KAZN: variants seen among roughly 807,000 people sequenced by gnomAD.
KAZN encodes kazrin, periplakin interacting protein, also known as kazrin.
Under a neutral mutation model 87.4 loss-of-function variants are expected in KAZN, and 40 were observed. That is an observed-to-expected ratio of 0.46 (90% CI 0.36 to 0.60). The LOEUF (loss-of-function observed/expected upper bound fraction) is 0.60, where lower values mean the gene tolerates loss of function less well. KAZN is among the 20% of genes least tolerant of loss of function. The pLI is 0.00. For missense variants in KAZN, 898 were observed against 1,073.9 expected, an observed-to-expected ratio of 0.84 and a Z score of 2.29; for synonymous variants, 466 against 458.3, an observed-to-expected ratio of 1.02 and a Z score of -0.22.
At chr1:14,918,675 CAAAAAAAAAAAAAAAA>C (rs1158537283) in intron 1 of KAZN, among the ~76,000 whole-genome samples, 25 of 37,058 alleles carry the variant, frequency 6.7e-4, no homozygotes, top group Admixed American at 2.2e-3. Flanking sequence ...GACTCCATCT[CAAAAAAAAAAAAAAAA>C]AAAAAAAAAA....
intron 11 of KAZN, among the ~76,000 whole-genome samples, 159 bp from the exon 12 acceptor site, chr1:15,103,200 G>C (rs555377): frequency 0.51 from 77,350 of 152,046 alleles, 19,960 homozygotes; most frequent in East Asian, 0.77. Flanking sequence ...CTGGGAGGCG[G>C]AGGTTGCAGT....
intron 1 of KAZN, among the ~76,000 whole-genome samples, chr1:13,965,602 GA>G (rs1245693894): frequency 6.6e-6 from 1 of 152,150 alleles, no homozygotes; most frequent in Non-Finnish European, 1.5e-5. Context: ...GCAAGACTGG[GA>G]GCTTCCTGAA....
chr1:14,528,299 C>G (rs770958858), intron 2 of KAZN, among the ~76,000 whole-genome samples: 1 of 126,122 alleles, frequency 7.9e-6, no homozygotes, highest in African/African-American at 3.2e-5. Context: ...GATCATGCCA[C>G]TGTACCCCAG....
chr1:14,250,726 T>C (rs1303697896), intron 2 of KAZN, among the ~76,000 whole-genome samples: 1 of 152,096 alleles, frequency 6.6e-6, no homozygotes, highest in East Asian at 1.9e-4. Flanking sequence ...TCCTGCTTTT[T>C]AACAATTGAC....
chr1:14,564,009 A>G (rs1674405484), intron 2 of KAZN, among the ~76,000 whole-genome samples: 1 of 151,646 alleles, frequency 6.6e-6, no homozygotes, highest in Admixed American at 6.6e-5. Context: ...AGCTGGGATT[A>G]CAGGCACCCG....
chr1:15,094,811 G>T lies in KAZN; in HGVS notation c.1429-4G>T. ...CCCCATATGACACTCCCTCCCGGGG[G>T]CAGGTGCTGCTGAGCCTGAGTGACG... On this transcript the variant is annotated splice_polypyrimidine_tract_variant and splice_region_variant and intron_variant, in intron 9 of 14. Transcript: ENST00000376030. The surrounding 1 kb of genome is among the most constrained non-coding windows in gnomAD (Gnocchi z 4.5). The T allele has an allele frequency of 6.5e-7, 1 of 1,545,914 alleles. No homozygotes were observed. The highest frequency in any genetic ancestry group is 8.7e-7 in the Non-Finnish European group (1 of 1,143,078).
intron 2 of KAZN, among the ~76,000 whole-genome samples, chr1:14,485,779 G>A (rs1223250102): frequency 6.6e-6 from 1 of 151,748 alleles, no homozygotes; most frequent in African/African-American, 2.4e-5. Flanking sequence ...TGTAGTCCCG[G>A]CTACTTAGGA....
intron 2 of KAZN, among the ~76,000 whole-genome samples, chr1:15,004,911 G>T (rs117488707): frequency 6.6e-6 from 1 of 152,194 alleles, no homozygotes; most frequent in Admixed American, 6.5e-5. Flanking sequence ...AAGCACACTC[G>T]TTGCTGGGCA....
At chr1:14,310,461 C>T (rs1333015892) in intron 2 of KAZN, among the ~76,000 whole-genome samples, 4 of 152,168 alleles carry the variant, frequency 2.6e-5, no homozygotes, top group African/African-American at 4.8e-5. Flanking sequence ...GAGTATTTTG[C>T]ATCTAGCATA....
intron 10 of KAZN, among the ~76,000 whole-genome samples, chr1:15,098,270 C>T (rs1299220966): frequency 6.6e-6 from 1 of 152,218 alleles, no homozygotes; most frequent in African/African-American, 2.4e-5. Flanking sequence ...TGTCTGAATT[C>T]CTTTTAAAAT....
At chr1:14,753,772 G>GT (rs1467234715) in intron 1 of KAZN, among the ~76,000 whole-genome samples, 1 of 152,108 alleles carries the variant, frequency 6.6e-6, no homozygotes, top group Admixed American at 6.5e-5. Context: ...TCACCTCTAG[G>GT]GAGGGAACAC....
At chr1:13,902,416 C>T (rs577835703) in intron 1 of KAZN, among the ~76,000 whole-genome samples, 3 of 152,130 alleles carry the variant, frequency 2.0e-5, no homozygotes, top group Non-Finnish European at 2.9e-5. Flanking sequence ...TGTAGTCAGC[C>T]GGCTTAACTT....
chr1:14,459,035 C>T (rs1039401527), intron 2 of KAZN, among the ~76,000 whole-genome samples: 44 of 152,236 alleles, frequency 2.9e-4, no homozygotes, highest in Non-Finnish European at 5.7e-4. Flanking sequence ...TGGGTGGCCC[C>T]GTTACTTGCT....
intron 2 of KAZN, among the ~76,000 whole-genome samples, chr1:14,408,973 A>ACC (rs1443150716): frequency 6.6e-6 from 1 of 152,116 alleles, no homozygotes; most frequent in African/African-American, 2.4e-5. Flanking sequence ...TTAAGATGAG[A>ACC]CCAGAGGATG....
intron 2 of KAZN, among the ~76,000 whole-genome samples, chr1:14,473,830 T>C (rs777054208): frequency 3.9e-5 from 6 of 152,094 alleles, no homozygotes; most frequent in Non-Finnish European, 2.9e-5. Context: ...GCAAGTGTTG[T>C]TTCCTCTGTA....
chr1:14,980,603 A>G (rs1256404411), intron 2 of KAZN, among the ~76,000 whole-genome samples: 1 of 152,234 alleles, frequency 6.6e-6, no homozygotes, highest in Non-Finnish European at 1.5e-5. Flanking sequence ...GCTCATCTGC[A>G]TAGTCCAAGA....
chr1:14,681,605 G>GTATATGTGTGTATATATATATATA (rs1557885461), intron 1 of KAZN, among the ~76,000 whole-genome samples: 1 of 22,494 alleles, frequency 4.4e-5, no homozygotes, highest in African/African-American at 1.4e-4. Flanking sequence ...ATATATATAT[G>GTATATGTGTGTATATATATATATA]TATATGTGTA....
intron 1 of KAZN, among the ~76,000 whole-genome samples, chr1:14,040,784 AAAATT>A (rs765280671): frequency 0.019 from 2,521 of 133,556 alleles, 32 homozygotes; most frequent in African/African-American, 0.03. Flanking sequence ...AAAATAAAAT[AAAATT>A]AAATTAAATT....
At chr1:14,105,489 C>A (rs1396933752) in intron 1 of KAZN, among the ~76,000 whole-genome samples, 3 of 152,184 alleles carry the variant, frequency 2.0e-5, no homozygotes, top group Non-Finnish European at 4.4e-5. Context: ...CTTGCCTTGT[C>A]CTGGGAACCA....
Sources: gnomAD v4.1 joint callset for allele counts (sites outside exome capture counted in the v4.1 genomes callset) on GRCh38, gnomAD v4.1.1 for gene constraint, Gnocchi (gnomAD v3.1) non-coding constraint, MANE v1.5 for transcripts, NCBI Gene and HGNC (gene_info 2026-07-23, HGNC 2026-07-21) for gene names.